SCFD2: variants seen among roughly 807,000 people sequenced by gnomAD.
The protein encoded by SCFD2 is sec1 family domain-containing protein 2.
In SCFD2, 54 loss-of-function variants were observed where a neutral mutation model predicts 58.9. The observed-to-expected ratio is 0.92, with a 90% confidence interval of 0.74 to 1.15. The LOEUF is 1.15. Ranked by LOEUF, SCFD2 falls within the 50% of genes most tolerant of loss-of-function variation. The probability of loss-of-function intolerance (pLI) is 0.00; values close to 1 mark genes in which losing one functional copy is unlikely to be tolerated. For synonymous variants in SCFD2, 321 were observed against 335.9 expected, an observed-to-expected ratio of 0.96 and a Z score of 0.49; for missense variants, 805 against 836.6, an observed-to-expected ratio of 0.96 and a Z score of 0.47.
chr4:52,883,023 A>G (rs1462856674), intron 8 of SCFD2, among the ~76,000 whole-genome samples: 1 of 152,176 alleles, frequency 6.6e-6, no homozygotes, highest in Non-Finnish European at 1.5e-5. Context: ...TGCTTGCCCA[A>G]AGGTCTTAGA....
intron 4 of SCFD2, among the ~76,000 whole-genome samples, chr4:53,213,819 C>G (rs13122159): frequency 7.2e-5 from 11 of 151,904 alleles, no homozygotes; most frequent in South Asian, 2.1e-4. Context: ...CACCACCCCA[C>G]GACAGGCCCT....
chr4:53,301,096 G>A (rs1230557867), intron 3 of SCFD2, among the ~76,000 whole-genome samples: 2 of 152,186 alleles, frequency 1.3e-5, no homozygotes, highest in East Asian at 3.9e-4. Flanking sequence ...AAATAACTAA[G>A]ATCAGAGCAG....
intron 5 of SCFD2, among the ~76,000 whole-genome samples, chr4:53,121,323 C>T (rs1725471745): frequency 6.6e-6 from 1 of 152,176 alleles, no homozygotes; most frequent in South Asian, 2.1e-4. Flanking sequence ...TAAGGGGCAA[C>T]CATGATTCAA....
chr4:53,298,752 A>G (rs561688617), intron 3 of SCFD2, among the ~76,000 whole-genome samples: 2 of 152,288 alleles, frequency 1.3e-5, no homozygotes, highest in East Asian at 3.9e-4. Context: ...CAAAACTTCC[A>G]GAGGAACGAT....
intron 6 of SCFD2, among the ~76,000 whole-genome samples, chr4:52,913,096 A>G (rs1344759813): frequency 6.6e-6 from 1 of 152,094 alleles, no homozygotes; most frequent in African/African-American, 2.4e-5. Flanking sequence ...CTTGCTGGTC[A>G]TTTATTTATT....
intron 4 of SCFD2, among the ~76,000 whole-genome samples, chr4:53,180,939 C>T (rs879857309): frequency 6.6e-5 from 10 of 152,070 alleles, no homozygotes; most frequent in Admixed American, 2.6e-4. Context: ...ATACATGCTC[C>T]CAAGACTAAA....
chr4:53,105,861 T>C (rs1018831133), intron 5 of SCFD2, among the ~76,000 whole-genome samples: 1 of 152,052 alleles, frequency 6.6e-6, no homozygotes, highest in Non-Finnish European at 1.5e-5. Flanking sequence ...GCCTCCTCAA[T>C]TGGGTCCCTG....
At chr4:53,089,429 C>A (rs1176175708) in intron 5 of SCFD2, among the ~76,000 whole-genome samples, 1 of 152,024 alleles carries the variant, frequency 6.6e-6, no homozygotes, top group Non-Finnish European at 1.5e-5. Flanking sequence ...CACAAAATTT[C>A]TTTATGAAAA....
intron 4 of SCFD2, among the ~76,000 whole-genome samples, chr4:53,267,094 G>T (rs566969450): frequency 6.6e-6 from 1 of 152,066 alleles, no homozygotes. Flanking sequence ...TTCTAAGACC[G>T]ATTTCTTTTT....
At chr4:53,135,174 T>C (rs1445935625) in intron 5 of SCFD2, among the ~76,000 whole-genome samples, 1 of 152,166 alleles carries the variant, frequency 6.6e-6, no homozygotes, top group Non-Finnish European at 1.5e-5. Context: ...CATCTGGAGA[T>C]CTTTTAGATT....
Position 53,050,972 on chromosome 4 carries a change from C to T in SCFD2, c.1561+94361G>A, listed in dbSNP as rs74796123. On this transcript the variant is annotated intron_variant, in intron 5 of 8. Transcript: ENST00000401642. Reference sequence around the variant, plus strand: ...TGATTAGGTCAGATCTCCTGGTAGGCGCTCTCTCAAAACATCAGGTTATTT... The same window carrying T: ...TGATTAGGTCAGATCTCCTGGTAGGTGCTCTCTCAAAACATCAGGTTATTT... Among the ~76,000 whole-genome samples the T allele has an allele frequency of 7.4e-3, 1,133 of 152,252 alleles. 12 individuals carry two copies. The highest frequency in any genetic ancestry group is 0.024 in the Middle Eastern group (7 of 294).
At chr4:53,160,108 T>C (rs1416716472) in intron 4 of SCFD2, among the ~76,000 whole-genome samples, 1 of 152,170 alleles carries the variant, frequency 6.6e-6, no homozygotes, top group Non-Finnish European at 1.5e-5. Context: ...CAAGATAGAT[T>C]TAGTTCCTTT....
intron 4 of SCFD2, among the ~76,000 whole-genome samples, chr4:53,180,974 T>C (rs1727531855): frequency 1.3e-5 from 2 of 152,156 alleles, no homozygotes; most frequent in African/African-American, 2.4e-5. Context: ...AATCTCTGAA[T>C]AGACCAATAA....
intron 4 of SCFD2, among the ~76,000 whole-genome samples, chr4:53,209,135 G>C (rs1728526304): frequency 6.6e-6 from 1 of 152,104 alleles, no homozygotes; most frequent in African/African-American, 2.4e-5. Flanking sequence ...GAGGTTACAT[G>C]ATAGTAAGGG....
At chr4:52,899,735 T>C (rs1340615373) in intron 7 of SCFD2, among the ~76,000 whole-genome samples, 1 of 152,242 alleles carries the variant, frequency 6.6e-6, no homozygotes, top group Admixed American at 6.5e-5. Flanking sequence ...GATAATATCC[T>C]GCAGAGTGTT....
At chr4:53,080,151 T>C (rs1281222147) in intron 5 of SCFD2, among the ~76,000 whole-genome samples, 1 of 152,170 alleles carries the variant, frequency 6.6e-6, no homozygotes, top group East Asian at 1.9e-4. Context: ...CCCTTAACAA[T>C]TGCTTCTTAG....
chr4:53,338,547 G>A (rs1395039956), intron 2 of SCFD2, among the ~76,000 whole-genome samples: 1 of 148,314 alleles, frequency 6.7e-6, no homozygotes, highest in Non-Finnish European at 1.5e-5. Flanking sequence ...TAAAAAAGAT[G>A]GAGGCCAAAA....
chr4:53,331,560 C>T (rs909948529), intron 2 of SCFD2, among the ~76,000 whole-genome samples: 42 of 152,188 alleles, frequency 2.8e-4, no homozygotes, highest in African/African-American at 9.9e-4. Flanking sequence ...AGAACAAAGA[C>T]ACAACATACC....
intron 7 of SCFD2, among the ~76,000 whole-genome samples, chr4:52,892,466 C>G (rs954720651): frequency 6.6e-6 from 1 of 152,198 alleles, no homozygotes; most frequent in Non-Finnish European, 1.5e-5. Context: ...AAAACTCCAG[C>G]CCTCTGGGAT....
Sources: gnomAD v4.1 joint callset for allele counts (sites outside exome capture counted in the v4.1 genomes callset) on GRCh38, gnomAD v4.1.1 for gene constraint, MANE v1.5 for transcripts, NCBI Gene and HGNC (gene_info 2026-07-23, HGNC 2026-07-21) for gene names.